The following PLXNA4 variants were observed in gnomAD, a reference collection of about 807,000 sequenced individuals.
PLXNA4 encodes the protein plexin A4, also known as plexin-A4.
Under a neutral mutation model 191.8 loss-of-function variants are expected in PLXNA4, and 44 were observed. The observed-to-expected ratio is 0.23, with a 90% CI of 0.18 to 0.29. The LOEUF is 0.29. Among genes scored for constraint, PLXNA4 ranks in the 10% least tolerant of loss-of-function variants. The pLI is 1.00. For synonymous variants in PLXNA4, 1,082 were observed against 1,009.5 expected (o/e 1.07, Z -1.36); for missense variants, 1,800 against 2,488.8 (o/e 0.72, Z 5.89).
At chr7:132,596,484 T>C (rs1441626338) in intron 2 of PLXNA4, among the ~76,000 whole-genome samples, 1 of 152,216 alleles carries the variant, frequency 6.6e-6, no homozygotes, top group Non-Finnish European at 1.5e-5. Context: ...TTTGAAACTA[T>C]AGTGAGCACA....
chr7:132,186,415 T>A (rs1374490122), intron 15 of PLXNA4, among the ~76,000 whole-genome samples: 1 of 152,104 alleles, frequency 6.6e-6, no homozygotes. Context: ...CATTCTGGGG[T>A]AACCTAGGGT....
At chr7:132,400,927 A>T (rs1471872896) in intron 3 of PLXNA4, among the ~76,000 whole-genome samples, 1 of 152,218 alleles carries the variant, frequency 6.6e-6, no homozygotes, top group African/African-American at 2.4e-5. Flanking sequence ...GAAAACTGTC[A>T]CATTGTTTGG....
At chr7:132,615,054 G>A (rs6970986) in intron 2 of PLXNA4, among the ~76,000 whole-genome samples, 150,846 of 152,272 alleles carry the variant, frequency 0.99, 74,741 homozygotes, top group East Asian at 1. Context: ...TTTCTATTCC[G>A]TAGAACAAAA....
At position 132,508,372 on chromosome 7, in the gene PLXNA4, G is replaced by T. The variant is rs535507636; in HGVS notation, c.322C>A (p.Leu108Met). Residue 108 changes from leucine (L) to methionine (M), a missense_variant, in exon 2 of 32, where the codon CTG becomes ATG. Physicochemically the swap from Leu to Met is conservative, Grantham distance 15. Around this residue, in one of 6 missense-constraint regions of PLXNA4, gnomAD observed 1,397 missense variants for 1,880.4 expected, o/e 0.74. Transcript: ENST00000321063. The surrounding 1 kb of genome is among the most constrained non-coding windows in gnomAD (Gnocchi z 4.4). The stretch of plus-strand genomic sequence containing the variant: ...TTGTTGACATTGTTGGTGGTGGTCA[G>T]GGGCTCATTGCAGGTCTGGACGATG... ...PRIVQTCNEP[L>M]TTTNNVNKML... 3.1e-6 allele frequency: 5 copies of T among 1,614,206 alleles called. No homozygotes were observed. In the South Asian group the frequency reaches 4.4e-5, roughly 14 times the overall value.
intron 1 of PLXNA4, among the ~76,000 whole-genome samples, chr7:132,516,769 C>A (rs1284476722): frequency 6.6e-6 from 1 of 152,052 alleles, no homozygotes; most frequent in Non-Finnish European, 1.5e-5. Context: ...ACCAGCCTAG[C>A]CAATATAGTG....
intron 18 of PLXNA4, 24 bp downstream of exon 18, chr7:132,181,357 C>G (rs372646962): frequency 6.2e-7 from 1 of 1,612,866 alleles, no homozygotes; most frequent in South Asian, 1.1e-5. Flanking sequence ...TTCCCACCCC[C>G]GCCTCCCACC....
At chr7:132,324,765 CAG>C (rs1802297707) in intron 3 of PLXNA4, among the ~76,000 whole-genome samples, 1 of 152,078 alleles carries the variant, frequency 6.6e-6, no homozygotes, top group Admixed American at 6.5e-5. Flanking sequence ...TGCCTGAGGC[CAG>C]AGTTTAGCCT....
chr7:132,292,118 T>C (rs565996670), intron 4 of PLXNA4, among the ~76,000 whole-genome samples: 4 of 152,254 alleles, frequency 2.6e-5, no homozygotes, highest in African/African-American at 9.6e-5. Context: ...CAAACAGCAG[T>C]GGGGAGTCAA....
chr7:132,285,570 T>C (rs567376573), intron 4 of PLXNA4, among the ~76,000 whole-genome samples: 3 of 152,226 alleles, frequency 2.0e-5, no homozygotes, highest in East Asian at 1.9e-4. Flanking sequence ...ATATGAGATA[T>C]GTAAATAAAT....
chr7:132,402,849 T>C (rs947473764), intron 3 of PLXNA4, among the ~76,000 whole-genome samples: 1 of 152,256 alleles, frequency 6.6e-6, no homozygotes, highest in African/African-American at 2.4e-5. Flanking sequence ...TGCGTGTCCT[T>C]GACCCAGTTG....
chr7:132,645,620 C>T (rs556498810), intron 2 of PLXNA4, among the ~76,000 whole-genome samples: 2 of 152,142 alleles, frequency 1.3e-5, no homozygotes, highest in Non-Finnish European at 2.9e-5. Flanking sequence ...TGCTATGGCC[C>T]ACTGGTAGGG....
chr7:132,572,454 C>A (rs1348895851), intron 1 of PLXNA4, among the ~76,000 whole-genome samples: 3 of 152,224 alleles, frequency 2.0e-5, no homozygotes, highest in African/African-American at 7.2e-5. Context: ...GAGGCTGATG[C>A]CACAGGACCG....
intron 3 of PLXNA4, chr7:132,384,576 A>T: frequency 1.0e-6 from 1 of 988,444 alleles, no homozygotes; most frequent in Non-Finnish European, 1.2e-6. Flanking sequence ...ATGCCAACAG[A>T]GCTTTTGCAC....
chr7:132,457,929 C>T (rs1341384906), intron 3 of PLXNA4, among the ~76,000 whole-genome samples: 1 of 152,174 alleles, frequency 6.6e-6, no homozygotes, highest in Admixed American at 6.5e-5. Flanking sequence ...TGGCCTTGTG[C>T]GCACCTTGGT....
intron 3 of PLXNA4, among the ~76,000 whole-genome samples, chr7:132,472,112 CTG>C (rs1352977318): frequency 6.6e-6 from 1 of 152,202 alleles, no homozygotes; most frequent in Non-Finnish European, 1.5e-5. Context: ...CCTCAGAAGT[CTG>C]AGGAATCTGA....
chr7:132,126,866 A>G lies in PLXNA4; in HGVS notation c.*3613T>C, dbSNP rs1356385879. On this transcript the variant is annotated 3_prime_UTR_variant, in exon 32 of 32. Transcript: ENST00000321063. ...GTTATCCACTGTTCCCAAATTTAAAACCATACTGAAAGAAGAAGGCAAGAA... is the reference window on the plus strand; with the variant it reads ...GTTATCCACTGTTCCCAAATTTAAAGCCATACTGAAAGAAGAAGGCAAGAA... The G allele has an allele frequency of 6.6e-6, 1 of 152,062 alleles. No individual in the cohort carries two copies. Among genetic ancestry groups the G allele is most frequent in the Non-Finnish European group, 1.5e-5 (1 of 68,024 alleles). The allele number at this position is 152,062 out of a possible 1,614,324, so 9.4% of individuals were successfully genotyped here.
chr7:132,620,118 C>G (rs532501316), intron 2 of PLXNA4, among the ~76,000 whole-genome samples: 3 of 152,206 alleles, frequency 2.0e-5, no homozygotes, highest in South Asian at 4.1e-4. Context: ...TCTTAATAAG[C>G]TCTTTTTTGA....
At chr7:132,170,798 G>T (rs1386061546) in intron 21 of PLXNA4, among the ~76,000 whole-genome samples, 1 of 152,250 alleles carries the variant, frequency 6.6e-6, no homozygotes, top group African/African-American at 2.4e-5. Flanking sequence ...TATGGGTCTG[G>T]AAGCTGTAGG....
At chr7:132,260,082 C>T (rs956325979) in intron 4 of PLXNA4, among the ~76,000 whole-genome samples, 2 of 152,266 alleles carry the variant, frequency 1.3e-5, no homozygotes, top group Admixed American at 1.3e-4. Context: ...AGTTCAGCCC[C>T]TGTGGAAACC....
Sources: gnomAD v4.1 joint callset for allele counts (sites outside exome capture counted in the v4.1 genomes callset) on GRCh38, gnomAD v4.1.1 for gene constraint, gnomAD v4.1.1 regional missense constraint, Gnocchi (gnomAD v3.1) non-coding constraint, MANE v1.5 for transcripts, NCBI Gene and HGNC (gene_info 2026-07-23, HGNC 2026-07-21) for gene names.